ASIC2: variants seen among roughly 807,000 people sequenced by gnomAD.
The protein encoded by ASIC2 is acid-sensing ion channel 2.
A neutral mutation model predicts 57.3 loss-of-function variants in ASIC2; 25 were observed. The ratio of observed to expected loss-of-function variants is 0.44; its 90% CI spans 0.32 to 0.61. The LOEUF (loss-of-function observed/expected upper bound fraction) is 0.61. ASIC2 is among the 20% of genes least tolerant of loss of function. The pLI, the probability that ASIC2 is intolerant of heterozygous loss-of-function variation, is 0.06. For synonymous variants in ASIC2, 319 were observed against 307.5 expected, an observed-to-expected ratio of 1.04 and a Z score of -0.39; for missense variants, 641 against 738.1, an observed-to-expected ratio of 0.87 and a Z score of 1.52.
intron 1 of ASIC2, among the ~76,000 whole-genome samples, chr17:33,603,200 G>C (rs1230295119): frequency 6.6e-6 from 1 of 152,210 alleles, no homozygotes; most frequent in Non-Finnish European, 1.5e-5. Flanking sequence ...CAGAGCCCCC[G>C]TTTAGTGTGC....
At chr17:33,855,250 A>AC (rs1254039509) in intron 1 of ASIC2, among the ~76,000 whole-genome samples, 1 of 152,140 alleles carries the variant, frequency 6.6e-6, no homozygotes, top group Admixed American at 6.5e-5. Flanking sequence ...CCAACTCCAG[A>AC]CTGGAGACCC....
chr17:33,879,140 C>A (rs1419089898), intron 1 of ASIC2, among the ~76,000 whole-genome samples: 1 of 152,118 alleles, frequency 6.6e-6, no homozygotes, highest in Non-Finnish European at 1.5e-5. Context: ...CCGGTACCAG[C>A]CACTGCAAAA....
At chr17:33,331,748 A>G (rs1444933037) in intron 1 of ASIC2, among the ~76,000 whole-genome samples, 1 of 152,238 alleles carries the variant, frequency 6.6e-6, no homozygotes. Flanking sequence ...CATGGATAAT[A>G]TCATTTAGTT....
chr17:33,751,539 T>C (rs1910432189), intron 1 of ASIC2, among the ~76,000 whole-genome samples: 1 of 152,160 alleles, frequency 6.6e-6, no homozygotes, highest in Admixed American at 6.5e-5. Context: ...AGTTTTTTTT[T>C]TATTGCGACT....
intron 1 of ASIC2, among the ~76,000 whole-genome samples, chr17:33,381,246 G>T (rs560595892): frequency 5.3e-5 from 8 of 152,342 alleles, no homozygotes; most frequent in Middle Eastern, 3.4e-3. Flanking sequence ...AAATGCCATG[G>T]CAGGAACTCT....
chr17:33,828,515 T>C (rs915442824), intron 1 of ASIC2: 1 of 152,194 alleles, frequency 6.6e-6, no homozygotes, highest in African/African-American at 2.4e-5. Context: ...GATTATGGCA[T>C]GAAACCTCCA....
At chr17:34,009,303 A>G (rs1442043696) in intron 1 of ASIC2, among the ~76,000 whole-genome samples, 1 of 152,160 alleles carries the variant, frequency 6.6e-6, no homozygotes, top group African/African-American at 2.4e-5. Flanking sequence ...AGCAGCCTAG[A>G]GATGCCCCAA....
chr17:33,022,936 A>AT (rs577296929), intron 6 of ASIC2, among the ~76,000 whole-genome samples: 1 of 152,114 alleles, frequency 6.6e-6, no homozygotes, highest in Non-Finnish European at 1.5e-5. Context: ...TTTTATTTTT[A>AT]TTTTTTATTT....
chr17:33,393,105 C>T (rs549039314), intron 1 of ASIC2, among the ~76,000 whole-genome samples: 57 of 152,280 alleles, frequency 3.7e-4, no homozygotes, highest in Admixed American at 5.9e-4. Flanking sequence ...CTGCCTTGTC[C>T]GGTTCATTCT....
chr17:33,384,173 C>G (rs1031585344), intron 1 of ASIC2, among the ~76,000 whole-genome samples: 2 of 152,206 alleles, frequency 1.3e-5, no homozygotes, highest in Non-Finnish European at 2.9e-5. Context: ...TGAGACATCT[C>G]AAATCCAAGA....
intron 1 of ASIC2, among the ~76,000 whole-genome samples, chr17:33,314,159 G>A (rs1169216153): frequency 6.6e-6 from 1 of 152,174 alleles, no homozygotes; most frequent in Non-Finnish European, 1.5e-5. Flanking sequence ...CTTGGGCCAA[G>A]CATGGGACAA....
chr17:34,072,917 C>T (rs978570403), intron 1 of ASIC2, among the ~76,000 whole-genome samples: 1 of 151,924 alleles, frequency 6.6e-6, no homozygotes, highest in Admixed American at 6.6e-5. Flanking sequence ...CTGTGCGTGC[C>T]CTGGTACTAA....
chr17:34,123,069 G>A (rs1230440149), intron 1 of ASIC2, among the ~76,000 whole-genome samples: 1 of 152,180 alleles, frequency 6.6e-6, no homozygotes, highest in African/African-American at 2.4e-5. Flanking sequence ...TGGGCATCTA[G>A]GGTTCCAATT....
intron 3 of ASIC2, among the ~76,000 whole-genome samples, chr17:33,038,619 C>G (rs768569323): frequency 2.6e-5 from 4 of 152,214 alleles, no homozygotes; most frequent in Non-Finnish European, 5.9e-5. Context: ...GAACTGGAGG[C>G]TTTGATAATT....
chr17:33,045,811 T>C (rs2091952012), intron 3 of ASIC2, among the ~76,000 whole-genome samples: 1 of 152,226 alleles, frequency 6.6e-6, no homozygotes, highest in Non-Finnish European at 1.5e-5. Flanking sequence ...TTTCCTCTTT[T>C]TCTTTTTATG....
chr17:33,180,312 C>T (rs1248423569), intron 1 of ASIC2, among the ~76,000 whole-genome samples: 1 of 152,128 alleles, frequency 6.6e-6, no homozygotes, highest in Non-Finnish European at 1.5e-5. Flanking sequence ...CAGAACTATC[C>T]CAGGCCTCAC....
chr17:33,593,828 T>C (rs934437810), intron 1 of ASIC2, among the ~76,000 whole-genome samples: 3 of 152,342 alleles, frequency 2.0e-5, no homozygotes, highest in Admixed American at 6.5e-5. Flanking sequence ...ACTGCTACAC[T>C]TGCTATGGTT....
intron 1 of ASIC2, among the ~76,000 whole-genome samples, chr17:33,223,814 G>A (rs1407153182): frequency 1.3e-5 from 2 of 152,190 alleles, no homozygotes; most frequent in Non-Finnish European, 2.9e-5. Flanking sequence ...CTTACTAGGA[G>A]CCTCCTCCAT....
intron 1 of ASIC2, among the ~76,000 whole-genome samples, chr17:33,773,276 G>A: frequency 6.6e-6 from 1 of 152,000 alleles, no homozygotes; most frequent in Non-Finnish European, 1.5e-5. Context: ...TAGAGGATGG[G>A]TGGTCACAAG....
Sources: allele counts gnomAD v4.1 joint callset (sites outside exome capture counted in the v4.1 genomes callset), GRCh38; gene constraint gnomAD v4.1.1; transcripts MANE v1.5; gene names NCBI Gene and HGNC (gene_info 2026-07-23, HGNC 2026-07-21).